The following NTRK1 variants were observed in gnomAD, a reference collection of about 807,000 sequenced individuals.
NTRK1 encodes high affinity nerve growth factor receptor.
In NTRK1, 62 loss-of-function variants were observed where a neutral mutation model predicts 86.8. That is an observed-to-expected ratio of 0.71 (90% CI 0.58 to 0.88). The LOEUF (loss-of-function observed/expected upper bound fraction) is 0.88, where lower values mean the gene tolerates loss of function less well. Ranked by LOEUF, NTRK1 falls within the 40% of genes least tolerant of loss-of-function variation. The pLI is 0.00. For synonymous variants in NTRK1, 469 were observed against 456.6 expected (o/e 1.03, Z -0.35); for missense variants, 967 against 1,078.4 (o/e 0.90, Z 1.45).
chr1:156,841,176 G>A, intron 1 of NTRK1: 1 of 1,229,432 alleles, frequency 8.1e-7, no homozygotes, highest in Non-Finnish European at 1.2e-6. Context: ...CTGCACTGAG[G>A]GTCAGTTGGT....
rs2102927377 is a variant in NTRK1 at position 156,880,058 on chromosome 1, T to C, written c.2106T>C (p.Arg702=). 23 of 1,612,146 alleles carry C rather than the reference T, an allele frequency of 1.4e-5. No individual in the cohort carries two copies. The highest frequency in any genetic ancestry group is 2.0e-5 in the Non-Finnish European group (23 of 1,179,484). Residue 702 remains arginine (R), a synonymous_variant, in exon 16 of 17, where the codon CGT becomes CGC. Transcript: ENST00000524377. ...RWMPPESILY[R]KFTTESDVWS... is the part of the protein sequence containing the mutation. ...TGCCGCCCGAGAGCATCCTGTACCG[T>C]AAGTTCACCACCGAGAGCGACGTGT...
intron 2 of NTRK1, chr1:156,848,894 C>T (rs1655103009): frequency 1.3e-6 from 2 of 1,549,924 alleles, no homozygotes; most frequent in Non-Finnish European, 1.7e-6. Flanking sequence ...GTCCCGCCCC[C>T]GCTCCGGCCC....
At chr1:156,816,271 G>T (rs1653921457) in intron 1 of NTRK1, 1 of 583,790 alleles carries the variant, frequency 1.7e-6, no homozygotes, top group African/African-American at 2.0e-5. Flanking sequence ...AGCCAAGGCG[G>T]CATGGGGGGC....
At chr1:156,869,523 A>G (rs1647418600) in intron 6 of NTRK1, among the ~76,000 whole-genome samples, 1 of 152,138 alleles carries the variant, frequency 6.6e-6, no homozygotes, top group East Asian at 1.9e-4. Flanking sequence ...TGATGAACGT[A>G]TTAGTAAGGG....
chr1:156,845,783 C>T (rs1232395470), intron 2 of NTRK1: 1 of 1,613,114 alleles, frequency 6.2e-7, no homozygotes, highest in East Asian at 2.2e-5. Flanking sequence ...CGTCGAAGCG[C>T]GGATCGTTGT....
Position 156,879,139 on chromosome 1 carries a change from CCAAG to C in NTRK1, c.1825_1828del (p.Lys609CysfsTer48), listed in dbSNP as rs1198403627. The stretch of plus-strand genomic sequence containing the variant: ...GTTCACAGATCCCATGGACCTGATG[CCAAG>C]CTGCTGGCTGGTGGGGAGGATGTGG... On this transcript the variant is annotated frameshift_variant, in exon 15 of 17. Transcript: ENST00000524377. LOFTEE classifies it high-confidence loss of function. The C allele has an allele frequency of 6.2e-7, 1 of 1,613,974 alleles. No homozygotes were observed. Among genetic ancestry groups the C allele is most frequent in the Admixed American group, 1.7e-5 (1 of 60,024 alleles).
intron 2 of NTRK1, chr1:156,844,046 C>T (rs147953841): frequency 7.6e-5 from 51 of 675,454 alleles, no homozygotes; most frequent in African/African-American, 2.9e-4. Context: ...TCTGTGCCAC[C>T]GCAGGGGAAG....
intron 3 of NTRK1, among the ~76,000 whole-genome samples, chr1:156,865,923 T>G (rs1268996204): frequency 6.6e-6 from 1 of 152,242 alleles, no homozygotes; most frequent in Non-Finnish European, 1.5e-5. Flanking sequence ...TCACCGTCTA[T>G]GCACCGGGGC....
At chr1:156,817,835 G>C (rs1487806435) in intron 1 of NTRK1, among the ~76,000 whole-genome samples, 1 of 151,926 alleles carries the variant, frequency 6.6e-6, no homozygotes, top group Admixed American at 6.6e-5. Context: ...TAGAGACAGG[G>C]TTTCACCGTG....
intron 1 of NTRK1, among the ~76,000 whole-genome samples, chr1:156,827,450 C>G (rs930523445): frequency 6.6e-6 from 1 of 151,960 alleles, no homozygotes; most frequent in Admixed American, 6.6e-5. Flanking sequence ...TTAGTAGAGA[C>G]GGGGTTTCAC....
chr1:156,832,344 T>G (rs1372192701), intron 1 of NTRK1, among the ~76,000 whole-genome samples: 1 of 152,170 alleles, frequency 6.6e-6, no homozygotes, highest in Non-Finnish European at 1.5e-5. Flanking sequence ...GAAAGATACA[T>G]AGGCAAACAA....
chr1:156,841,287 T>C, intron 1 of NTRK1: 3 of 1,125,764 alleles, frequency 2.7e-6, no homozygotes, highest in Non-Finnish European at 2.7e-6. Context: ...TAGCTGAGGG[T>C]CAGTGGATGT....
chr1:156,846,104 T>A (rs1553258812), intron 2 of NTRK1: 3 of 1,600,514 alleles, frequency 1.9e-6, no homozygotes, highest in Non-Finnish European at 2.6e-6. Flanking sequence ...GATGACGTCT[T>A]GGGGCACCGT....
At chr1:156,874,210 T>C (rs2102907911) in intron 8 of NTRK1, 173 bp from the exon 9 acceptor site, 1 of 1,077,916 alleles carries the variant, frequency 9.3e-7, no homozygotes, top group East Asian at 2.4e-5. Context: ...CTGGCCCAGC[T>C]GGAAAAGGGT....
At chr1:156,858,564 A>C (rs1655493780), upstream of NTRK1, 1 of 1,613,896 alleles carries the variant, frequency 6.2e-7, no homozygotes, top group African/African-American at 1.3e-5. Flanking sequence ...CCAAATCCCA[A>C]GGAGAGGAAG....
At chr1:156,848,684 G>A (rs939686748) in intron 2 of NTRK1, among the ~76,000 whole-genome samples, 3 of 152,218 alleles carry the variant, frequency 2.0e-5, no homozygotes, top group Non-Finnish European at 4.4e-5. Flanking sequence ...GCTCTCCTGG[G>A]CTCTCAGAAG....
chr1:156,873,018 A>AGTGTGTGTGTGTGTGTGT (rs55870362), intron 7 of NTRK1, among the ~76,000 whole-genome samples: 2 of 130,954 alleles, frequency 1.5e-5, no homozygotes, highest in East Asian at 4.6e-4. Context: ...TTTCAAAAAG[A>AGTGTGTGTGTGTGTGTGT]GTGTGTGTGT....
At chr1:156,852,031 G>A (rs973103696) in intron 2 of NTRK1, 1 of 1,613,382 alleles carries the variant, frequency 6.2e-7, no homozygotes, top group Non-Finnish European at 8.5e-7. Context: ...CATACTGGTA[G>A]GTGCCTGGCG....
chr1:156,867,610 G>C (rs545997718), intron 4 of NTRK1, among the ~76,000 whole-genome samples: 28 of 148,176 alleles, frequency 1.9e-4, no homozygotes, highest in South Asian at 1.3e-3. Flanking sequence ...CGGGATAACA[G>C]GTGTGAGTCA....
Sources: allele counts gnomAD v4.1 joint callset (sites outside exome capture counted in the v4.1 genomes callset), GRCh38; gene constraint gnomAD v4.1.1; transcripts MANE v1.5; gene names NCBI Gene and HGNC (gene_info 2026-07-23, HGNC 2026-07-21).